DENND1A: variants seen among roughly 807,000 people sequenced by gnomAD.
DENND1A encodes the protein DENN domain containing 1A, also known as DENN domain-containing protein 1A.
Under a neutral mutation model 113.7 loss-of-function variants are expected in DENND1A, and 51 were observed. The ratio of observed to expected loss-of-function variants is 0.45; its 90% CI spans 0.36 to 0.57. The LOEUF is 0.57. DENND1A is among the 20% of genes least tolerant of loss of function. The pLI is 0.00. For missense variants in DENND1A, 1,258 were observed against 1,395.9 expected (o/e 0.90, Z 1.57); for synonymous variants, 565 against 570.8 (o/e 0.99, Z 0.14).
In DENND1A at chr9:123,827,909, T is replaced by C. The variant is rs1324639779; in HGVS notation, c.89-35279A>G. Reference sequence around the variant, plus strand: ...CCTTAAAAAACAAAATTAATATAAATCCTCTCTGGAGGAGGATAATATTAC... The same window carrying C: ...CCTTAAAAAACAAAATTAATATAAACCCTCTCTGGAGGAGGATAATATTAC... On this transcript the variant is annotated intron_variant, in intron 2 of 23. Coordinates refer to ENST00000394215, the MANE Select transcript of DENND1A (RefSeq NM_001352964.2). 2.0e-5 allele frequency among the ~76,000 whole-genome samples: 3 copies of C among 152,084 alleles called. No homozygotes were observed. In the South Asian group the frequency reaches 6.2e-4, roughly 32 times the overall value.
At chr9:123,744,758 C>T (rs1368306251) in intron 5 of DENND1A, among the ~76,000 whole-genome samples, 5 of 144,620 alleles carry the variant, frequency 3.5e-5, no homozygotes, top group South Asian at 2.2e-4. Flanking sequence ...ATATTCTTTA[C>T]TTATATTAGC....
chr9:123,440,745 T>C (rs990552244), intron 18 of DENND1A, among the ~76,000 whole-genome samples: 1 of 152,250 alleles, frequency 6.6e-6, no homozygotes, highest in East Asian at 1.9e-4. Context: ...TTATTATTGT[T>C]CATCCTACTC....
At chr9:123,829,373 G>A (rs748943246) in intron 2 of DENND1A, among the ~76,000 whole-genome samples, 3 of 151,810 alleles carry the variant, frequency 2.0e-5, no homozygotes, top group Non-Finnish European at 2.9e-5. Context: ...AAAATGAGGT[G>A]ATGAACTCAC....
intron 2 of DENND1A, among the ~76,000 whole-genome samples, chr9:123,831,612 C>T (rs899338940): frequency 6.6e-6 from 1 of 152,152 alleles, no homozygotes; most frequent in African/African-American, 2.4e-5. Flanking sequence ...CAGGAAGAGA[C>T]CCCTGCATAC....
intron 5 of DENND1A, among the ~76,000 whole-genome samples, 191 bp from the exon 6 acceptor site, chr9:123,676,980 G>T (rs2064117693): frequency 6.6e-6 from 1 of 152,222 alleles, no homozygotes. Context: ...CCTGTGCAAG[G>T]CAGAGGATTA....
intron 19 of DENND1A, among the ~76,000 whole-genome samples, chr9:123,426,652 A>G (rs771508985): frequency 1.3e-5 from 2 of 152,214 alleles, no homozygotes; most frequent in Non-Finnish European, 2.9e-5. Context: ...CTACAGGGCA[A>G]TCAGTCAGCC....
At chr9:123,757,860 C>A (rs1182372533) in intron 4 of DENND1A, 38 bp from the exon 5 acceptor site, 5 of 1,602,872 alleles carry the variant, frequency 3.1e-6, no homozygotes, top group Admixed American at 1.7e-5. Context: ...AATGAATGTG[C>A]AGTAAGTTTC....
At chr9:123,485,668 ACACACAC>A (rs1244301455) in intron 13 of DENND1A, 58 of 126,048 alleles carry the variant, frequency 4.6e-4, no homozygotes, top group Admixed American at 9.3e-4. Context: ...ACACACACAC[ACACACAC>A]ACACACACAC....
chr9:123,464,819 C>G (rs2048802863), intron 13 of DENND1A, among the ~76,000 whole-genome samples: 1 of 151,384 alleles, frequency 6.6e-6, no homozygotes, highest in Non-Finnish European at 1.5e-5. Flanking sequence ...GAGATGGGTT[C>G]ACTGACTTTG....
intron 2 of DENND1A, among the ~76,000 whole-genome samples, chr9:123,840,710 G>A (rs755744582): frequency 2.4e-4 from 37 of 151,904 alleles, no homozygotes; most frequent in Non-Finnish European, 4.4e-4. Flanking sequence ...TTTTCCTACT[G>A]AAGAACTCAC....
chr9:123,618,979 G>A (rs774489813), intron 10 of DENND1A, among the ~76,000 whole-genome samples: 6 of 152,056 alleles, frequency 3.9e-5, no homozygotes, highest in Admixed American at 6.5e-5. Context: ...ACAGAGTCTC[G>A]TTCTGTCACC....
chr9:123,385,739 GAGATGTT>G (rs1232319947), intron 22 of DENND1A, among the ~76,000 whole-genome samples: 3 of 152,204 alleles, frequency 2.0e-5, no homozygotes, highest in Admixed American at 6.5e-5. Context: ...ATGAAGCTCA[GAGATGTT>G]AAATAACTCA....
intron 12 of DENND1A, among the ~76,000 whole-genome samples, chr9:123,581,580 G>A (rs965980113): frequency 4.0e-5 from 6 of 151,816 alleles, no homozygotes; most frequent in Non-Finnish European, 5.9e-5. Context: ...AGCTAAGATA[G>A]TGCCACTGCA....
intron 2 of DENND1A, among the ~76,000 whole-genome samples, chr9:123,808,657 T>G (rs1199610450): frequency 6.6e-6 from 1 of 152,136 alleles, no homozygotes; most frequent in Non-Finnish European, 1.5e-5. Context: ...AGTTCCCAGG[T>G]GATGTTGACG....
chr9:123,818,567 C>CATATATATATATAT (rs148656992), intron 2 of DENND1A, among the ~76,000 whole-genome samples: 2 of 41,988 alleles, frequency 4.8e-5, no homozygotes, highest in African/African-American at 9.1e-5. Context: ...CACACACACA[C>CATATATATATATAT]ATATATATAT....
chr9:123,596,745 G>C (rs2059711099), intron 11 of DENND1A, among the ~76,000 whole-genome samples: 1 of 152,186 alleles, frequency 6.6e-6, no homozygotes, highest in Admixed American at 6.5e-5. Context: ...AGCCCTAAAA[G>C]TAGGGCCAGT....
At chr9:123,840,721 T>C (rs1841704545) in intron 2 of DENND1A, among the ~76,000 whole-genome samples, 1 of 152,132 alleles carries the variant, frequency 6.6e-6, no homozygotes, top group Non-Finnish European at 1.5e-5. Flanking sequence ...AAGAACTCAC[T>C]ATATTAACCC....
intron 8 of DENND1A, among the ~76,000 whole-genome samples, chr9:123,663,617 A>G (rs2063352277): frequency 6.7e-6 from 1 of 150,066 alleles, no homozygotes; most frequent in Non-Finnish European, 1.5e-5. Flanking sequence ...CACTGGAGGG[A>G]GAGTGGGATT....
At chr9:123,917,906 C>T (rs1000310269) in intron 1 of DENND1A, among the ~76,000 whole-genome samples, 2 of 151,480 alleles carry the variant, frequency 1.3e-5, no homozygotes, top group East Asian at 1.9e-4. Context: ...GTCAGGAGAT[C>T]GAGACCATCC....
Sources: gnomAD v4.1 joint callset for allele counts (sites outside exome capture counted in the v4.1 genomes callset) on GRCh38, gnomAD v4.1.1 for gene constraint, MANE v1.5 for transcripts, NCBI Gene and HGNC (gene_info 2026-07-23, HGNC 2026-07-21) for gene names.